APOC4: variants seen among roughly 807,000 people sequenced by gnomAD.
APOC4 encodes apolipoprotein C4, also known as apolipoprotein C-IV.
In APOC4, 10 loss-of-function variants were observed where a neutral mutation model predicts 8.4. That is an observed-to-expected ratio of 1.19 (90% confidence interval 0.74 to 2.03). The LOEUF (loss-of-function observed/expected upper bound fraction) is 2.03. APOC4 is among the 30% of genes most tolerant of loss of function. APOC4 has a pLI of 0.00. For synonymous variants in APOC4, 59 were observed against 65.8 expected, an observed-to-expected ratio of 0.90 and a Z score of 0.50; for missense variants, 160 against 156.1, an observed-to-expected ratio of 1.02 and a Z score of -0.13.
chr19:44,945,337 G>A lies in APOC4; in HGVS notation c.*32G>A, dbSNP rs1170664671. ...CATAAAAGCCAGGTGTGGTTGTGGC[G>A]GGTGCCTGTAGTCCCAGCTACTCAG... On this transcript the variant is annotated 3_prime_UTR_variant, in exon 3 of 3. Coordinates refer to ENST00000592954, the MANE Select transcript of APOC4 (RefSeq NM_001646.3). 22 of 1,594,494 alleles carry A rather than the reference G, an allele frequency of 1.4e-5. No homozygotes were observed. Among genetic ancestry groups the A allele is most frequent in the Middle Eastern group, 1.7e-4 (1 of 6,028 alleles).
chr19:44,942,557 CATCTGTGTGTG>C (rs1483170494), intron 1 of APOC4, among the ~76,000 whole-genome samples: 2 of 151,894 alleles, frequency 1.3e-5, no homozygotes, highest in Non-Finnish European at 2.9e-5. Context: ...AAACTGGGAT[CATCTGTGTGTG>C]TGCACGTGCG....
At position 44,942,401 on chromosome 19, in the gene APOC4, T is replaced by C. The variant is rs1568631752; in HGVS notation, c.76+48T>C. On this transcript the variant is annotated intron_variant, in intron 1 of 2. Transcript: ENST00000592954. The stretch of plus-strand genomic sequence containing the variant: ...ATGTGGGGCCCACACCTGGTGGGTG[T>C]GAGTGTGGCTGTGTGTCCTGTGGCT... 1.3e-6 allele frequency: 2 copies of C among 1,582,802 alleles called. 1 individual carries two copies. Among genetic ancestry groups the C allele is most frequent in the Admixed American group, 3.5e-5 (2 of 57,386 alleles).
chr19:44,942,554 G>T (rs1165709195), intron 1 of APOC4, among the ~76,000 whole-genome samples: 1 of 152,160 alleles, frequency 6.6e-6, no homozygotes, highest in East Asian at 1.9e-4. Flanking sequence ...TACAAACTGG[G>T]ATCATCTGTG....
intron 1 of APOC4, among the ~76,000 whole-genome samples, chr19:44,944,361 T>C (rs1055262640): frequency 6.6e-6 from 1 of 151,866 alleles, no homozygotes; most frequent in African/African-American, 2.4e-5. Flanking sequence ...ACCCCATCTC[T>C]TCTAAAAATA....
intron 2 of APOC4, 82 bp downstream of exon 2, chr19:44,944,972 C>T (rs2122202486): frequency 6.5e-7 from 1 of 1,531,980 alleles, no homozygotes; most frequent in South Asian, 1.2e-5. Context: ...CCCTGAGTCT[C>T]AGGGAGGAGG....
rs1260505799 is a variant in APOC4, at chr19:44,945,377, A to G, written c.*72A>G. 6.6e-7 allele frequency: 1 copy of G among 1,513,636 alleles called. No individual in the cohort carries two copies. Among genetic ancestry groups the G allele is most frequent in the African/African-American group, 1.4e-5 (1 of 72,210 alleles). The allele number at this position is 1,513,636 out of a possible 1,614,324, so 93.8% of individuals were successfully genotyped here. A position where few individuals can be genotyped will look rare whatever the true frequency, so the allele number is the denominator to read the frequency against. ...CAGCTACTCAGGAGGCTGAGGTAGG[A>G]TGATGGCTTGAGCCCAGGAGTTCGA... is the stretch of plus-strand genomic sequence containing the variant. On this transcript the variant is annotated 3_prime_UTR_variant, in exon 3 of 3. Coordinates refer to ENST00000592954, the MANE Select transcript of APOC4 (RefSeq NM_001646.3).
intron 1 of APOC4, 41 bp downstream of exon 1, chr19:44,942,394 G>C (rs372041967): frequency 2.5e-6 from 4 of 1,592,718 alleles, no homozygotes; most frequent in Non-Finnish European, 3.4e-6. Flanking sequence ...CCCACACCTG[G>C]TGGGTGTGAG....
rs1970297540 is a variant in APOC4 at position 44,944,768 on chromosome 19, G to C, written c.96G>C (p.Gln32His). ...ACCTAGCATGCCAGCCAGAGGCCCA[G>C]GAAGGAACCCTGAGCCCCCCACCAA... ...ACIGACQPEA[Q>H]EGTLSPPPKL... is the part of the protein sequence containing the mutation. Residue 32 changes from glutamine to histidine, a missense_variant, in exon 2 of 3, where the codon CAG (glutamine) becomes CAC (histidine). Coordinates refer to ENST00000592954, the MANE Select transcript of APOC4 (RefSeq NM_001646.3). 1 of 1,612,094 alleles carries C rather than the reference G, an allele frequency of 6.2e-7. No homozygotes were observed. Among genetic ancestry groups the C allele is most frequent in the Non-Finnish European group, 8.5e-7 (1 of 1,179,456 alleles).
intron 1 of APOC4, among the ~76,000 whole-genome samples, chr19:44,943,766 A>G (rs1462862019): frequency 6.6e-6 from 1 of 152,144 alleles, no homozygotes; most frequent in Non-Finnish European, 1.5e-5. Flanking sequence ...GACAATGTGC[A>G]AGGCACCATT....
intron 1 of APOC4, among the ~76,000 whole-genome samples, chr19:44,943,904 T>C (rs5157): frequency 0.6 from 91,995 of 152,092 alleles, 29,088 homozygotes; most frequent in African/African-American, 0.77. Flanking sequence ...GGCACACAGC[T>C]AGCTACATGT....
chr19:44,943,683 C>G (rs866926109), intron 1 of APOC4, among the ~76,000 whole-genome samples: 4 of 151,526 alleles, frequency 2.6e-5, no homozygotes, highest in African/African-American at 9.7e-5. Context: ...GCCGAGATCG[C>G]GCCACTGCAT....
At chr19:44,942,559 TCTG>T (rs1276059131) in intron 1 of APOC4, among the ~76,000 whole-genome samples, 2 of 152,018 alleles carry the variant, frequency 1.3e-5, no homozygotes, top group African/African-American at 4.8e-5. Flanking sequence ...ACTGGGATCA[TCTG>T]TGTGTGTGCA....
At chr19:44,943,214 C>T (rs1018265702) in intron 1 of APOC4, among the ~76,000 whole-genome samples, 2 of 151,886 alleles carry the variant, frequency 1.3e-5, no homozygotes, top group African/African-American at 4.8e-5. Flanking sequence ...AGCCACTGCG[C>T]CTGGCCAATG....
chr19:44,944,233 C>G (rs975238628), intron 1 of APOC4, among the ~76,000 whole-genome samples: 3 of 152,072 alleles, frequency 2.0e-5, no homozygotes, highest in Non-Finnish European at 4.4e-5. Context: ...ACTACTGACA[C>G]AAGGTGAAGA....
chr19:44,945,254 G>C lies in APOC4; in HGVS notation c.333G>C (p.Lys111Asn). ...AATCCAAAGACAGCCTCTTGAAGAA[G>C]ACCCACAGCCTGTGCCCCAGGCTTG... ...FLESKDSLLK[K>N]THSLCPRLVC... Residue 111 changes from lysine (K) to asparagine (N), a missense_variant, in exon 3 of 3, where the codon AAG (lysine) becomes AAC (asparagine). Lys to Asn is a moderately conservative substitution (Grantham distance 94, BLOSUM62 0). Coordinates refer to ENST00000592954, the MANE Select transcript of APOC4 (RefSeq NM_001646.3). 1 of 1,614,046 alleles carries C rather than the reference G, an allele frequency of 6.2e-7. No individual in the cohort carries two copies. Among genetic ancestry groups the C allele is most frequent in the Non-Finnish European group, 8.5e-7 (1 of 1,180,014 alleles).
Position 44,945,443 on chromosome 19 carries a change from AC to A in APOC4, c.*139del. ...CACAGCGAGATCTCTTGGGGGTAAA[AC>A]AAAAAGAAAAAAAAAAGTTCATACT... is the stretch of plus-strand genomic sequence containing the variant. On this transcript the variant is annotated 3_prime_UTR_variant, in exon 3 of 3. Coordinates refer to ENST00000592954, the MANE Select transcript of APOC4 (RefSeq NM_001646.3). 1 of 812,486 alleles carries A rather than the reference AC, an allele frequency of 1.2e-6. No individual in the cohort carries two copies. Among genetic ancestry groups the A allele is most frequent in the East Asian group, 2.8e-5 (1 of 36,186 alleles). 50.3% of individuals were successfully genotyped at this position (812,486 alleles called of 1,614,324 possible).
chr19:44,943,921 C>T (rs5158), intron 1 of APOC4, among the ~76,000 whole-genome samples: 17,223 of 152,220 alleles, frequency 0.11, 1,171 homozygotes, highest in South Asian at 0.25. Context: ...ATGTGGCCCC[C>T]GCGTGACGGC....
intron 1 of APOC4, among the ~76,000 whole-genome samples, chr19:44,943,164 G>A (rs1001298444): frequency 4.0e-5 from 6 of 151,784 alleles, no homozygotes; most frequent in African/African-American, 9.7e-5. Context: ...CTCGTGATCC[G>A]CCTGCCTCGG....
At position 44,942,298 on chromosome 19, in the gene APOC4, G is replaced by C. The variant is rs565473757; in HGVS notation, c.21G>C (p.Arg7Ser). 6.2e-7 allele frequency: 1 copy of C among 1,613,010 alleles called. No homozygotes were observed. ...CAGAAATGTCCCTCCTCAGAAACAGGCTCCAGGCCCTGCCTGCCCTGTGCC... is the reference window on the plus strand; with the variant it reads ...CAGAAATGTCCCTCCTCAGAAACAGCCTCCAGGCCCTGCCTGCCCTGTGCC... MSLLRN[R>S]LQALPALCLC... The change falls in exon 1 of 3, where the codon AGG becomes AGC. Residue 7 changes from arginine (R) to serine (S), a missense_variant. Coordinates refer to ENST00000592954, the MANE Select transcript of APOC4 (RefSeq NM_001646.3).
Sources: gnomAD v4.1 joint callset for allele counts (sites outside exome capture counted in the v4.1 genomes callset) on GRCh38, gnomAD v4.1.1 for gene constraint, MANE v1.5 for transcripts, NCBI Gene and HGNC (gene_info 2026-07-23, HGNC 2026-07-21) for gene names.